Variants in ZDBF2 observed in about 807,000 individuals in gnomAD.
The protein encoded by ZDBF2 is zinc finger DBF-type containing 2, also known as DBF4-type zinc finger-containing protein 2.
ZDBF2 carries 6 observed loss-of-function variants against 9.4 expected under a neutral mutation model. That is an observed-to-expected ratio of 0.64 (90% confidence interval 0.35 to 1.27). The LOEUF (loss-of-function observed/expected upper bound fraction) is 1.27, where lower values mean the gene tolerates loss of function less well. ZDBF2 is among the 50% of genes most tolerant of loss of function. The pLI is 0.03. For synonymous variants in ZDBF2, 905 were observed against 946.3 expected, an observed-to-expected ratio of 0.96 and a Z score of 0.80; for missense variants, 2,697 against 2,766.8, an observed-to-expected ratio of 0.97 and a Z score of 0.57.
At chr2:206,304,690 T>G in intron 4 of ZDBF2, 27 bp from the exon 5 acceptor site, 1 of 1,571,824 alleles carries the variant, frequency 6.4e-7, no homozygotes, top group Non-Finnish European at 8.6e-7. Context: ...TAGAATATGT[T>G]TATGAGTTTC....
intron 3 of ZDBF2, among the ~76,000 whole-genome samples, chr2:206,289,541 G>A (rs1263882375): frequency 6.6e-6 from 1 of 152,166 alleles, no homozygotes; most frequent in East Asian, 1.9e-4. Context: ...GGGGATGTGA[G>A]GCCACCGGGC....
chr2:206,309,625 AG>A lies in ZDBF2; in HGVS notation c.5099del (p.Gly1700ValfsTer33), dbSNP rs752600444. The A allele has an allele frequency of 6.2e-7, 1 of 1,613,834 alleles. No individual in the cohort carries two copies. The highest frequency in any genetic ancestry group is 1.1e-5 in the South Asian group (1 of 91,066). Reference sequence around the variant, plus strand: ...AGGATCCAAGAAATGCTGGCCTAAAAGGTAAGAGCTGTCAGTCTAGTGCTTC... The same window carrying A: ...AGGATCCAAGAAATGCTGGCCTAAAAGTAAGAGCTGTCAGTCTAGTGCTTC... Reference protein sequence around the residue: ...RKDPRNAGLKGKSCQSSASAV... With the variant: ...RKDPRNAGLKXKSCQSSASAV... On this transcript the variant is annotated frameshift_variant, in exon 5 of 5. Transcript: ENST00000374423. LOFTEE classifies it low-confidence loss of function (END_TRUNC).
intron 1 of ZDBF2, among the ~76,000 whole-genome samples, chr2:206,276,415 G>A (rs774721585): frequency 6.6e-5 from 10 of 152,160 alleles, no homozygotes; most frequent in Admixed American, 5.9e-4. Context: ...GCTAATCCAA[G>A]GTACTGTCAG....
chr2:206,285,375 A>C (rs1393940297), intron 3 of ZDBF2, among the ~76,000 whole-genome samples: 1 of 152,036 alleles, frequency 6.6e-6, no homozygotes, highest in African/African-American at 2.4e-5. Context: ...TGTGGTTTTG[A>C]TTTACACTTC....
At chr2:206,285,867 G>A (rs181485253) in intron 3 of ZDBF2, among the ~76,000 whole-genome samples, 263 of 152,232 alleles carry the variant, frequency 1.7e-3, no homozygotes, top group Non-Finnish European at 3.0e-3. Context: ...TCTGCATATA[G>A]ATATCCAGTT....
At chr2:206,277,688 G>T (rs1691093648) in intron 1 of ZDBF2, among the ~76,000 whole-genome samples, 1 of 136,352 alleles carries the variant, frequency 7.3e-6, no homozygotes. Context: ...TTACGATGTT[G>T]TTTGTGAAAA....
At chr2:206,288,569 G>T (rs1691717305) in intron 3 of ZDBF2, among the ~76,000 whole-genome samples, 1 of 152,220 alleles carries the variant, frequency 6.6e-6, no homozygotes, top group Non-Finnish European at 1.5e-5. Context: ...TGCTTGGAGT[G>T]GTTGTGGGAC....
Position 206,306,189 on chromosome 2 carries a change from C to T in ZDBF2, c.1661C>T (p.Pro554Leu), listed in dbSNP as rs781779097. 3 of 1,613,636 alleles carry T rather than the reference C, an allele frequency of 1.9e-6. No homozygotes were observed. The highest frequency in any genetic ancestry group is 3.3e-4 in the Middle Eastern group (2 of 6,062). ...CTGCAGTCAGTGGTTGACAGACCCC[C>T]AGTGGCTGTCACAGAAACAAAACTT... ...FPLQSVVDRP[P>L]VAVTETKLRK... The change falls in exon 5 of 5, where the codon CCA becomes CTA. Residue 554 changes from proline (P) to leucine (L), a missense_variant. Pro to Leu is a moderately conservative substitution (Grantham distance 98). Transcript: ENST00000374423.
intron 3 of ZDBF2, among the ~76,000 whole-genome samples, chr2:206,290,915 T>G (rs1357279301): frequency 6.6e-6 from 1 of 152,178 alleles, no homozygotes; most frequent in Non-Finnish European, 1.5e-5. Flanking sequence ...TCCTTGGTTT[T>G]TTTTGGATCT....
chr2:206,310,790 C>G lies in ZDBF2; in HGVS notation c.6262C>G (p.Gln2088Glu). The change falls in exon 5 of 5, where the codon CAA becomes GAA. Residue 2088 changes from glutamine to glutamate, a missense_variant. By Grantham distance (29) the Gln-to-Glu change is conservative. This residue lies in a region of ZDBF2 where 1,783 missense variants were observed against 1,776.5 expected (regional missense o/e 1.00). Transcript: ENST00000374423. ...TAAAATTCATTTTAATAGGAGCAAC[C>G]AAAACTCCAGTGCAGGAGATAATGA... ...WVKIHFNRSN[Q>E]NSSAGDNDAD... 1 of 1,613,904 alleles carries G rather than the reference C, an allele frequency of 6.2e-7. No homozygotes were observed. The highest frequency in any genetic ancestry group is 8.5e-7 in the Non-Finnish European group (1 of 1,179,868).
intron 3 of ZDBF2, among the ~76,000 whole-genome samples, chr2:206,284,030 T>G (rs966694549): frequency 4.6e-5 from 7 of 152,136 alleles, no homozygotes; most frequent in African/African-American, 1.4e-4. Flanking sequence ...TTTGCTTATG[T>G]TTTTTGGTGT....
rs1246070475 is a variant in ZDBF2 at position 206,278,201 on chromosome 2, A to G, written c.-102-1339A>G. The stretch of plus-strand genomic sequence containing the variant: ...TCTTTATTTTTATAATTGTACTATT[A>G]TAAATGCTTTACTTTTGTAATAAAA... On this transcript the variant is annotated intron_variant, in intron 1 of 4. Transcript: ENST00000374423. Among the ~76,000 whole-genome samples, 6 of 152,218 alleles carry G rather than the reference A, an allele frequency of 3.9e-5. No individual in the cohort carries two copies. In the East Asian group the frequency reaches 1.2e-3, roughly 29 times the overall value.
At position 206,292,849 on chromosome 2, in the gene ZDBF2, A is replaced by G. The variant is rs964390050; in HGVS notation, c.61-4397A>G. ...ACTATAAACCTTGAAAGAAATTTTC[A>G]TGTTCATGGATTGAAGAATCAATAT... On this transcript the variant is annotated intron_variant, in intron 3 of 4. Coordinates refer to ENST00000374423, the MANE Select transcript of ZDBF2 (RefSeq NM_020923.3). Among the ~76,000 whole-genome samples the G allele has an allele frequency of 3.9e-5, 6 of 152,270 alleles. No homozygotes were observed. In the East Asian group the frequency reaches 9.7e-4, roughly 24 times the overall value.
intron 3 of ZDBF2, among the ~76,000 whole-genome samples, chr2:206,289,983 C>G (rs543933729): frequency 6.6e-6 from 1 of 152,320 alleles, no homozygotes; most frequent in East Asian, 1.9e-4. Flanking sequence ...CTCTGATGCA[C>G]TCCATTGCCC....
At position 206,300,216 on chromosome 2, in the gene ZDBF2, C is replaced by A. The variant is rs577865027; in HGVS notation, c.188+2843C>A. On this transcript the variant is annotated intron_variant, in intron 4 of 4. Coordinates refer to ENST00000374423, the MANE Select transcript of ZDBF2 (RefSeq NM_020923.3). ...CAAAAACCAAGAAATTACATTGATA[C>A]CATACTAACAGCTAATCTGTAGACC... is the stretch of plus-strand genomic sequence containing the variant. Among the ~76,000 whole-genome samples the A allele has an allele frequency of 9.2e-5, 14 of 152,302 alleles. 1 individual carries two copies. In the South Asian group the frequency reaches 2.7e-3, roughly 29 times the overall value.
Position 206,310,259 on chromosome 2 carries a change from G to T in ZDBF2, c.5731G>T (p.Val1911Leu). 1 of 1,613,962 alleles carries T rather than the reference G, an allele frequency of 6.2e-7. No individual in the cohort carries two copies. The highest frequency in any genetic ancestry group is 8.5e-7 in the Non-Finnish European group (1 of 1,179,888). ...TATTTCAGATATTGATGACTTGTCA[G>T]TGGCCTTAGATAAACCATGCCATCG... ...CGISDIDDLS[V>L]ALDKPCHRHP... is the part of the protein sequence containing the mutation. The change falls in exon 5 of 5, where the codon GTG becomes TTG. Residue 1911 changes from valine to leucine, a missense_variant. By Grantham distance (32) the Val-to-Leu change is conservative. This residue lies in a region of ZDBF2 where 1,783 missense variants were observed against 1,776.5 expected (regional missense o/e 1.00). Coordinates refer to ENST00000374423, the MANE Select transcript of ZDBF2 (RefSeq NM_020923.3).
intron 4 of ZDBF2, among the ~76,000 whole-genome samples, chr2:206,299,346 TC>T (rs1692373519): frequency 1.3e-5 from 2 of 152,100 alleles, no homozygotes; most frequent in Admixed American, 1.3e-4. Flanking sequence ...TGGATCACCT[TC>T]CCCTGGCTTT....
chr2:206,296,443 T>A (rs945907035), intron 3 of ZDBF2, among the ~76,000 whole-genome samples: 4 of 152,236 alleles, frequency 2.6e-5, no homozygotes, highest in Admixed American at 2.0e-4. Context: ...TATTACAGTA[T>A]ATTGTTATAA....
chr2:206,296,776 C>T (rs1251250513), intron 3 of ZDBF2, among the ~76,000 whole-genome samples: 7 of 152,098 alleles, frequency 4.6e-5, no homozygotes, highest in Non-Finnish European at 8.8e-5. Context: ...TAATATGTAA[C>T]GTTTCCCCAT....
Sources: gnomAD v4.1 joint callset for allele counts (sites outside exome capture counted in the v4.1 genomes callset) on GRCh38, gnomAD v4.1.1 for gene constraint, gnomAD v4.1.1 regional missense constraint, MANE v1.5 for transcripts, NCBI Gene and HGNC (gene_info 2026-07-23, HGNC 2026-07-21) for gene names.